Variants in ORAI2 observed in about 807,000 individuals in gnomAD.
ORAI2 encodes the protein ORAI calcium release-activated calcium modulator 2, also known as protein orai-2.
A neutral mutation model predicts 16.2 loss-of-function variants in ORAI2; 10 were observed. That is an observed-to-expected ratio of 0.62 (90% CI 0.38 to 1.04). The LOEUF (loss-of-function observed/expected upper bound fraction) is 1.04, where lower values mean the gene tolerates loss of function less well. ORAI2 is among the 50% of genes least tolerant of loss of function. The pLI is 0.01. For missense variants in ORAI2, 238 were observed against 355.5 expected (o/e 0.67, Z 2.66); for synonymous variants, 150 against 157.5 (o/e 0.95, Z 0.35).
rs571453741 is a variant in ORAI2 at position 102,452,384 on chromosome 7, C to T, written c.*5332C>T. ...GACCTCGTGATCTGCCCACCTCGGC[C>T]TCCCAAAGTGCTGGGATTACAGGTG... On this transcript the variant is annotated 3_prime_UTR_variant, in exon 4 of 4. Transcript: ENST00000495936. 4 of 152,400 alleles carry T rather than the reference C, an allele frequency of 2.6e-5. No homozygotes were observed. Among genetic ancestry groups the T allele is most frequent in the South Asian group, 2.1e-4 (1 of 4,828 alleles). 9.4% of individuals were successfully genotyped at this position (152,400 alleles called of 1,614,324 possible).
chr7:102,446,605 C>A lies in ORAI2; in HGVS notation c.318C>A (p.Ala106=). 1.2e-6 allele frequency: 2 copies of A among 1,613,848 alleles called. No homozygotes were observed. Among genetic ancestry groups the A allele is most frequent in the Non-Finnish European group, 1.7e-6 (2 of 1,180,032 alleles). ...AFSACTTVLV[A]VHLFALLIST... is the part of the protein sequence containing the mutation. ...GCGCCTGCACCACGGTGCTGGTGGC[C>A]GTGCACCTGTTCGCCCTCCTCATCA... The change falls in exon 4 of 4, where the codon GCC becomes GCA. Residue 106 remains alanine, a synonymous_variant. Transcript: ENST00000495936.
At position 102,435,982 on chromosome 7, in the gene ORAI2, A is replaced by G. The variant is rs573055523; in HGVS notation, c.-122-243A>G. Among the ~76,000 whole-genome samples, 272 of 152,212 alleles carry G rather than the reference A, an allele frequency of 1.8e-3. 11 individuals are homozygous for G. In the South Asian group the frequency reaches 0.054, roughly 30 times the overall value. Reference sequence around the variant, plus strand: ...GAGGCCATGAATTCTGGCCTCTTTCATCTTGGATCTTTAAGTACCAAGTGC... The same window carrying G: ...GAGGCCATGAATTCTGGCCTCTTTCGTCTTGGATCTTTAAGTACCAAGTGC... On this transcript the variant is annotated intron_variant, in intron 1 of 3. Coordinates refer to ENST00000495936, the MANE Select transcript of ORAI2 (RefSeq NM_001126340.3).
rs1797446288 is a variant in ORAI2, at chr7:102,448,804, C to T, written c.*1752C>T. On this transcript the variant is annotated 3_prime_UTR_variant, in exon 4 of 4. Transcript: ENST00000495936. ...GGCTGAGGCAAGAGAATCACTTGAA[C>T]CCAGGAGGCAGAGGTTGCAGTGAGC... is the stretch of plus-strand genomic sequence containing the variant. The T allele has an allele frequency of 6.6e-6, 1 of 152,036 alleles. No homozygotes were observed. The allele number at this position is 152,036 out of a possible 1,614,324, so 9.4% of individuals were successfully genotyped here. A position where few individuals can be genotyped will look rare whatever the true frequency, so the allele number is the denominator to read the frequency against.
chr7:102,452,627 A>C lies in ORAI2; in HGVS notation c.*5575A>C, dbSNP rs1203082295. The C allele has an allele frequency of 6.6e-6, 1 of 150,570 alleles. No homozygotes were observed. Among genetic ancestry groups the C allele is most frequent in the Non-Finnish European group, 1.5e-5 (1 of 67,838 alleles). The allele number at this position is 150,570 out of a possible 1,614,324, so 9.3% of individuals were successfully genotyped here. ...TGCCCAGCTAATGTTTTTTTTGTAG[A>C]GATGGGATCTTGCTATGTTGCCCAG... is the stretch of plus-strand genomic sequence containing the variant. On this transcript the variant is annotated 3_prime_UTR_variant, in exon 4 of 4. Transcript: ENST00000495936.
intron 3 of ORAI2, among the ~76,000 whole-genome samples, chr7:102,441,079 G>A (rs995675577): frequency 1.3e-5 from 2 of 151,490 alleles, no homozygotes; most frequent in African/African-American, 4.8e-5. Flanking sequence ...TCTTAGTAGA[G>A]ATGGGGTTTC....
chr7:102,447,284 C>A lies in ORAI2; in HGVS notation c.*232C>A, dbSNP rs191978517. 3.6e-6 allele frequency: 2 copies of A among 558,228 alleles called. No homozygotes were observed. Among genetic ancestry groups the A allele is most frequent in the Non-Finnish European group, 6.2e-6 (2 of 323,854 alleles). 34.6% of individuals were successfully genotyped at this position (558,228 alleles called of 1,614,324 possible). ...CAAAGCCAGGCTGGTTCCTTGGCCT[C>A]GGGGTTTCCTGGGTCGGGGACACGG... On this transcript the variant is annotated 3_prime_UTR_variant, in exon 4 of 4. Transcript: ENST00000495936.
chr7:102,447,256 G>A lies in ORAI2; in HGVS notation c.*204G>A. On this transcript the variant is annotated 3_prime_UTR_variant, in exon 4 of 4. Transcript: ENST00000495936. ...GGGACTGTGTTGCTAAGAGCGTTGG[G>A]GGCAAAGCCAGGCTGGTTCCTTGGC... The A allele has an allele frequency of 1.6e-6, 1 of 644,984 alleles. No individual in the cohort carries two copies. The allele number at this position is 644,984 out of a possible 1,614,324, so 40.0% of individuals were successfully genotyped here. A position where few individuals can be genotyped will look rare whatever the true frequency, so the allele number is the denominator to read the frequency against.
chr7:102,448,931 C>T lies in ORAI2; in HGVS notation c.*1879C>T, dbSNP rs910044004. 2.6e-5 allele frequency: 4 copies of T among 151,564 alleles called. No homozygotes were observed. The highest frequency in any genetic ancestry group is 5.9e-5 in the Non-Finnish European group (4 of 68,008). The allele number at this position is 151,564 out of a possible 1,614,324, so 9.4% of individuals were successfully genotyped here. ...TTCTTCATGCTCTGATCACATCTCT[C>T]GTAAAAGCTTAAGCTCTCTCCGGGG... is the stretch of plus-strand genomic sequence containing the variant. On this transcript the variant is annotated 3_prime_UTR_variant, in exon 4 of 4. Transcript: ENST00000495936.
intron 3 of ORAI2, among the ~76,000 whole-genome samples, chr7:102,443,094 TC>T (rs1444570149): frequency 0.059 from 1,070 of 18,250 alleles, 7 homozygotes; most frequent in Middle Eastern, 0.33. Context: ...TCTCTTTTCT[TC>T]TTCTTCTTCT....
In ORAI2 at chr7:102,439,282, G is replaced by A. The variant is rs529048462; in HGVS notation, c.225+101G>A. The A allele has an allele frequency of 1.2e-3, 1,205 of 998,920 alleles. 15 individuals carry two copies. In the South Asian group the frequency reaches 0.015, roughly 13 times the overall value. The allele number at this position is 998,920 out of a possible 1,614,324, so 61.9% of individuals were successfully genotyped here. A position where few individuals can be genotyped will look rare whatever the true frequency, so the allele number is the denominator to read the frequency against. On this transcript the variant is annotated intron_variant, in intron 3 of 3. Transcript: ENST00000495936. ...ACCAGAGCCTTCCCTCCAGTCTCTG[G>A]CAGCCAGGATGGACCAGTAGGAAGC... is the stretch of plus-strand genomic sequence containing the variant.
intron 3 of ORAI2, among the ~76,000 whole-genome samples, chr7:102,439,838 G>C (rs1353576513): frequency 6.6e-6 from 1 of 152,074 alleles, no homozygotes; most frequent in Non-Finnish European, 1.5e-5. Context: ...CTAACACTTT[G>C]GGAGGCCGAG....
chr7:102,441,826 T>C (rs1248488178), intron 3 of ORAI2, among the ~76,000 whole-genome samples: 2 of 151,982 alleles, frequency 1.3e-5, no homozygotes, highest in Non-Finnish European at 2.9e-5. Flanking sequence ...CTTGATTAGA[T>C]TAGCATAGCG....
intron 3 of ORAI2, among the ~76,000 whole-genome samples, chr7:102,446,110 G>A (rs913529167): frequency 1.3e-5 from 2 of 152,080 alleles, no homozygotes; most frequent in East Asian, 1.9e-4. Flanking sequence ...CACCACGCCC[G>A]GCTGCTTTTT....
rs1463711310 is a variant in ORAI2 at position 102,440,255 on chromosome 7, A to G, written c.225+1074A>G. Among the ~76,000 whole-genome samples, 2 of 152,168 alleles carry G rather than the reference A, an allele frequency of 1.3e-5. 1 individual carries two copies. Among genetic ancestry groups the G allele is most frequent in the Admixed American group, 1.3e-4 (2 of 15,270 alleles). ...AGATTGATTGGGGTTGGATCAGTTT[A>G]GCCCAGTTAGCGATGCAGACGTTCC... On this transcript the variant is annotated intron_variant, in intron 3 of 3. Coordinates refer to ENST00000495936, the MANE Select transcript of ORAI2 (RefSeq NM_001126340.3).
Position 102,448,011 on chromosome 7 carries a change from G to A in ORAI2, c.*959G>A, listed in dbSNP as rs73712485. 8,823 of 152,524 alleles carry A rather than the reference G, an allele frequency of 0.058. 862 individuals are homozygous for A. The highest frequency in any genetic ancestry group is 0.2 in the African/African-American group (8,341 of 41,578). 9.4% of individuals were successfully genotyped at this position (152,524 alleles called of 1,614,324 possible). A position where few individuals can be genotyped will look rare whatever the true frequency, so the allele number is the denominator to read the frequency against. The stretch of plus-strand genomic sequence containing the variant: ...GGCTCTGGCTCAGGCCCCGGAGCCT[G>A]TGCAGCTTGCCCATGGCCCTAGGCA... On this transcript the variant is annotated 3_prime_UTR_variant, in exon 4 of 4. Transcript: ENST00000495936.
In ORAI2 at chr7:102,447,173, T is replaced by A. The variant is rs543371706; in HGVS notation, c.*121T>A. On this transcript the variant is annotated 3_prime_UTR_variant, in exon 4 of 4. Transcript: ENST00000495936. ...GTTCAAGACCAAAGTTTTCCTCTTG[T>A]CTTAATACCATAAGGACTGGATGAC... The A allele has an allele frequency of 1.2e-5, 13 of 1,084,270 alleles. No homozygotes were observed. In the African/African-American group the frequency reaches 1.9e-4, roughly 16 times the overall value. The allele number at this position is 1,084,270 out of a possible 1,614,324, so 67.2% of individuals were successfully genotyped here.
intron 3 of ORAI2, among the ~76,000 whole-genome samples, chr7:102,444,501 C>CG (rs896267650): frequency 1.7e-5 from 1 of 58,372 alleles, no homozygotes; most frequent in African/African-American, 3.9e-5. Context: ...GATCCGCCCC[C>CG]CCCCGCCCCC....
Position 102,446,876 on chromosome 7 carries a change from G to T in ORAI2, c.589G>T (p.Ala197Ser). 6.2e-7 allele frequency: 1 copy of T among 1,613,398 alleles called. No homozygotes were observed. Residue 197 changes from alanine to serine, a missense_variant, in exon 4 of 4, where the codon GCC (alanine) becomes TCC (serine). Around this residue, in one of 3 missense-constraint regions of ORAI2, gnomAD observed 176 missense variants for 265.9 expected, o/e 0.66. Transcript: ENST00000495936. ...TGGGAGTCACACGGGCTGGCAGGCC[G>T]CCCTGGTGTCCACCATCATCATGGT... is the stretch of plus-strand genomic sequence containing the variant. ...GPGSHTGWQA[A>S]LVSTIIMVPV...
chr7:102,454,859 T>G lies in ORAI2; in HGVS notation c.*7807T>G, dbSNP rs1797607485. The G allele has an allele frequency of 6.6e-6, 1 of 152,294 alleles. No individual in the cohort carries two copies. The highest frequency in any genetic ancestry group is 1.5e-5 in the Non-Finnish European group (1 of 68,108). The allele number at this position is 152,294 out of a possible 1,614,324, so 9.4% of individuals were successfully genotyped here. ...CAGATGTTACCCTGCAGGCGGTGGCTCCTGGGGCCCAGCCCTGCAGAAACA... is the reference window on the plus strand; with the variant it reads ...CAGATGTTACCCTGCAGGCGGTGGCGCCTGGGGCCCAGCCCTGCAGAAACA... On this transcript the variant is annotated 3_prime_UTR_variant, in exon 4 of 4. Transcript: ENST00000495936.
Sources: allele counts gnomAD v4.1 joint callset (sites outside exome capture counted in the v4.1 genomes callset), GRCh38; gene constraint gnomAD v4.1.1; regional missense constraint gnomAD v4.1.1; transcripts MANE v1.5; gene names NCBI Gene and HGNC (gene_info 2026-07-23, HGNC 2026-07-21).